ZCWPW2: variants seen among roughly 807,000 people sequenced by gnomAD.
The protein encoded by ZCWPW2 is zinc finger CW-type and PWWP domain containing 2.
A neutral mutation model predicts 46.6 loss-of-function variants in ZCWPW2; 45 were observed. The ratio of observed to expected loss-of-function variants is 0.96; its 90% CI spans 0.76 to 1.24. ZCWPW2 has a LOEUF of 1.24. Among genes scored for constraint, ZCWPW2 ranks in the 50% most tolerant of loss-of-function variants. The pLI is 0.00. For missense variants in ZCWPW2, 429 were observed against 403.9 expected, an observed-to-expected ratio of 1.06 and a Z score of -0.53; for synonymous variants, 152 against 137.1, an observed-to-expected ratio of 1.11 and a Z score of -0.76.
intron 4 of ZCWPW2, among the ~76,000 whole-genome samples, chr3:28,450,706 T>C (rs183243786): frequency 1.1e-4 from 16 of 152,302 alleles, no homozygotes; most frequent in Non-Finnish European, 2.1e-4. Flanking sequence ...TGCTTATCAT[T>C]GTATGTAAGA....
At position 28,371,751 on chromosome 3, in the gene ZCWPW2, G is replaced by T. The variant is rs542086518; in HGVS notation, c.-133-18747G>T. On this transcript the variant is annotated intron_variant, in intron 1 of 9. Coordinates refer to ENST00000383768, the MANE Select transcript of ZCWPW2 (RefSeq NM_001040432.4). ...GTAAACTAACTTAACAGGATTCTTT[G>T]CTAAGACTGGGCTGCAGAGGCCAAA... Among the ~76,000 whole-genome samples the T allele has an allele frequency of 2.6e-5, 4 of 152,234 alleles. No individual in the cohort carries two copies. In the South Asian group the frequency reaches 8.3e-4, roughly 32 times the overall value.
intron 1 of ZCWPW2, among the ~76,000 whole-genome samples, chr3:28,358,357 A>G (rs1008603024): frequency 1.3e-5 from 2 of 152,144 alleles, no homozygotes; most frequent in African/African-American, 2.4e-5. Flanking sequence ...CTGAAATTGG[A>G]TATCTTTACA....
chr3:28,395,986 C>G (rs539201540), intron 2 of ZCWPW2, among the ~76,000 whole-genome samples: 2 of 152,164 alleles, frequency 1.3e-5, no homozygotes, highest in Admixed American at 1.3e-4. Flanking sequence ...GTCAAAACAT[C>G]ATGTTATATA....
chr3:28,373,706 C>G (rs1559478233), intron 1 of ZCWPW2, among the ~76,000 whole-genome samples: 1 of 152,072 alleles, frequency 6.6e-6, no homozygotes, highest in Non-Finnish European at 1.5e-5. Context: ...GAACTCCTGA[C>G]CTCAGGTGAT....
Position 28,380,363 on chromosome 3 carries a change from C to A in ZCWPW2, c.-133-10135C>A, listed in dbSNP as rs1261039582. Among the ~76,000 whole-genome samples the A allele has an allele frequency of 5.9e-5, 9 of 152,286 alleles. No homozygotes were observed. The East Asian group carries it at 1.7e-3, about 29-fold the overall frequency. On this transcript the variant is annotated intron_variant, in intron 1 of 9. Transcript: ENST00000383768. ...GTCATAACTTGCTCTGACCCCACAA[C>A]ATTTTCCAGCTTGCTCTTTTCTTTG... is the stretch of plus-strand genomic sequence containing the variant.
chr3:28,388,358 C>T (rs1166103645), intron 1 of ZCWPW2, among the ~76,000 whole-genome samples: 1 of 152,164 alleles, frequency 6.6e-6, no homozygotes, highest in Non-Finnish European at 1.5e-5. Context: ...CCATACACAT[C>T]TCCTTAAACA....
At chr3:28,393,738 C>A (rs1029954954) in intron 2 of ZCWPW2, among the ~76,000 whole-genome samples, 1 of 152,102 alleles carries the variant, frequency 6.6e-6, no homozygotes, top group Non-Finnish European at 1.5e-5. Flanking sequence ...AATTTAACAT[C>A]AGTTTATGAT....
Position 28,425,824 on chromosome 3 carries a change from T to G in ZCWPW2, c.333-9286T>G, listed in dbSNP as rs151241532. Among the ~76,000 whole-genome samples, 797 of 152,272 alleles carry G rather than the reference T, an allele frequency of 5.2e-3. 9 individuals are homozygous for G. Among genetic ancestry groups the G allele is most frequent in the African/African-American group, 0.018 (760 of 41,566 alleles). On this transcript the variant is annotated intron_variant, in intron 3 of 9. Transcript: ENST00000383768. ...ATTTATGTACTTATAAAAATATACA[T>G]GTAGGCCAGGTGCGGTGGCTAATGC...
chr3:28,374,514 C>G (rs1040254224), intron 1 of ZCWPW2, among the ~76,000 whole-genome samples: 56 of 151,992 alleles, frequency 3.7e-4, no homozygotes, highest in Non-Finnish European at 2.9e-4. Flanking sequence ...TATGAAAAAT[C>G]TCATTGGTAG....
At chr3:28,384,523 T>G (rs1216121860) in intron 1 of ZCWPW2, among the ~76,000 whole-genome samples, 1 of 152,174 alleles carries the variant, frequency 6.6e-6, no homozygotes, top group African/African-American at 2.4e-5. Flanking sequence ...TACTTGCCTT[T>G]CAATTTACTT....
At chr3:28,496,028 C>T (rs1699981703) in intron 6 of ZCWPW2, among the ~76,000 whole-genome samples, 1 of 151,816 alleles carries the variant, frequency 6.6e-6, no homozygotes, top group African/African-American at 2.4e-5. Flanking sequence ...TGAAACACAG[C>T]ATGTTAGGCT....
At chr3:28,508,582 A>G (rs537928722) in intron 6 of ZCWPW2, among the ~76,000 whole-genome samples, 15 of 152,196 alleles carry the variant, frequency 9.9e-5, no homozygotes, top group Admixed American at 6.6e-4. Flanking sequence ...CAGTGATGCA[A>G]TATTGGCTCA....
intron 3 of ZCWPW2, among the ~76,000 whole-genome samples, chr3:28,425,062 CTG>C (rs1696953888): frequency 1.3e-5 from 2 of 152,104 alleles, no homozygotes; most frequent in Admixed American, 6.6e-5. Context: ...GTCTGAAATG[CTG>C]TGTTAGAAAT....
chr3:28,372,198 C>G (rs1371841886), intron 1 of ZCWPW2, among the ~76,000 whole-genome samples: 2 of 151,962 alleles, frequency 1.3e-5, no homozygotes, highest in African/African-American at 2.4e-5. Flanking sequence ...AATTGAAGGA[C>G]TTATATTGAT....
At chr3:28,442,009 C>G (rs746058478) in intron 4 of ZCWPW2, among the ~76,000 whole-genome samples, 9 of 152,192 alleles carry the variant, frequency 5.9e-5, no homozygotes, top group Admixed American at 2.6e-4. Context: ...GCCACTGACA[C>G]TTCAAGCAAC....
Position 28,420,130 on chromosome 3 carries a change from G to C in ZCWPW2, c.332+6730G>C, listed in dbSNP as rs560273821. 2.6e-3 allele frequency among the ~76,000 whole-genome samples: 386 copies of C among 151,166 alleles called. 1 individual carries two copies. The highest frequency in any genetic ancestry group is 8.5e-3 in the African/African-American group (349 of 41,280). ...ATTTTTTGAAGGGGTTTTTGTGTCT[G>C]TATTTCCTTCAGTTCTGCTCTGATC... On this transcript the variant is annotated intron_variant, in intron 3 of 9. Transcript: ENST00000383768.
At chr3:28,518,561 G>A (rs1453925722) in intron 8 of ZCWPW2, among the ~76,000 whole-genome samples, 2 of 152,154 alleles carry the variant, frequency 1.3e-5, no homozygotes, top group African/African-American at 2.4e-5. Context: ...GACTTATGAA[G>A]TCATCCATTA....
In ZCWPW2 at chr3:28,361,258, CAG is replaced by C. The variant is rs553193304; in HGVS notation, c.-134+12057_-134+12058del. ...GTAAAATTATCTTCAACAAAGATGCCAGAACTACATAATAGGTAAAGGATAGT... is the reference window on the plus strand; with the variant it reads ...GTAAAATTATCTTCAACAAAGATGCCAACTACATAATAGGTAAAGGATAGT... On this transcript the variant is annotated intron_variant, in intron 1 of 9. Coordinates refer to ENST00000383768, the MANE Select transcript of ZCWPW2 (RefSeq NM_001040432.4). 4.3e-3 allele frequency among the ~76,000 whole-genome samples: 659 copies of C among 152,194 alleles called. 4 individuals carry two copies. The highest frequency in any genetic ancestry group is 0.017 in the Middle Eastern group (5 of 294).
chr3:28,389,119 C>A (rs1003570000), intron 1 of ZCWPW2, among the ~76,000 whole-genome samples: 2 of 152,112 alleles, frequency 1.3e-5, no homozygotes, highest in African/African-American at 4.8e-5. Context: ...GGAACTAAGA[C>A]CTCTAGGCCG....
Sources: gnomAD v4.1 joint callset for allele counts (sites outside exome capture counted in the v4.1 genomes callset) on GRCh38, gnomAD v4.1.1 for gene constraint, MANE v1.5 for transcripts, NCBI Gene and HGNC (gene_info 2026-07-23, HGNC 2026-07-21) for gene names.